The following CAMK1D variants were observed in gnomAD, a reference collection of about 807,000 sequenced individuals.
The protein encoded by CAMK1D is calcium/calmodulin-dependent protein kinase type 1D.
A neutral mutation model predicts 47.7 loss-of-function variants in CAMK1D; 9 were observed. The observed-to-expected ratio is 0.19, with a 90% CI of 0.11 to 0.33. CAMK1D has a LOEUF of 0.33. CAMK1D is among the 10% of genes least tolerant of loss of function. CAMK1D has a pLI of 1.00. For missense variants in CAMK1D, 291 were observed against 488.7 expected (o/e 0.60, Z 3.81); for synonymous variants, 184 against 184.9 (o/e 0.99, Z 0.04).
At chr10:12,517,282 T>A (rs1224433768) in intron 1 of CAMK1D, among the ~76,000 whole-genome samples, 1 of 152,222 alleles carries the variant, frequency 6.6e-6, no homozygotes, top group Non-Finnish European at 1.5e-5. Flanking sequence ...GGGTCAGTTC[T>A]TTGAGATTTT....
At chr10:12,554,129 C>T (rs4750234) in intron 2 of CAMK1D, among the ~76,000 whole-genome samples, 59,316 of 149,004 alleles carry the variant, frequency 0.4, 12,353 homozygotes, top group South Asian at 0.43. Flanking sequence ...TTTCCCTCCC[C>T]ACTCCCCTCC....
chr10:12,522,507 G>A (rs1240057023), intron 1 of CAMK1D, among the ~76,000 whole-genome samples: 1 of 151,614 alleles, frequency 6.6e-6, no homozygotes, highest in Non-Finnish European at 1.5e-5. Context: ...AGAGCACAGG[G>A]TTGGGGGCAA....
At chr10:12,372,327 G>A (rs12781660) in intron 1 of CAMK1D, among the ~76,000 whole-genome samples, 1 of 152,122 alleles carries the variant, frequency 6.6e-6, no homozygotes, top group Non-Finnish European at 1.5e-5. Flanking sequence ...CACCATTTTA[G>A]AGATGAGGAA....
intron 1 of CAMK1D, among the ~76,000 whole-genome samples, chr10:12,375,990 C>T (rs922094037): frequency 2.6e-5 from 4 of 151,618 alleles, no homozygotes; most frequent in Non-Finnish European, 5.9e-5. Flanking sequence ...TAGCGAAACC[C>T]TGTCTCTACG....
chr10:12,708,292 A>G (rs185071797), intron 3 of CAMK1D, among the ~76,000 whole-genome samples: 64 of 151,330 alleles, frequency 4.2e-4, no homozygotes, highest in African/African-American at 1.3e-3. Flanking sequence ...GTGGCGACTG[A>G]TACGTTTACA....
In CAMK1D at chr10:12,834,841, C is replaced by T. The variant is rs1246811449; in HGVS notation, c.*5954C>T. ...AGATTCCCAGGCTCTCCTGGAAGCC[C>T]TGCACTTCAGGGCACAGGGGCCCTG... is the stretch of plus-strand genomic sequence containing the variant. On this transcript the variant is annotated 3_prime_UTR_variant, in exon 11 of 11. Coordinates refer to ENST00000619168, the MANE Select transcript of CAMK1D (RefSeq NM_153498.4). The T allele has an allele frequency of 3.9e-5, 6 of 152,232 alleles. No homozygotes were observed. The highest frequency in any genetic ancestry group is 1.4e-4 in the African/African-American group (6 of 41,524). 9.4% of individuals were successfully genotyped at this position (152,232 alleles called of 1,614,324 possible).
intron 3 of CAMK1D, among the ~76,000 whole-genome samples, chr10:12,732,670 G>A (rs866153133): frequency 7.0e-5 from 5 of 71,780 alleles, no homozygotes; most frequent in African/African-American, 1.3e-4. Context: ...AATTACCCCC[G>A]CCCCCCCCGC....
chr10:12,685,288 G>A (rs535756439), intron 3 of CAMK1D, among the ~76,000 whole-genome samples: 5 of 152,176 alleles, frequency 3.3e-5, no homozygotes, highest in Non-Finnish European at 4.4e-5. Flanking sequence ...GCGACAGAAC[G>A]AGACTCTGTC....
intron 2 of CAMK1D, among the ~76,000 whole-genome samples, chr10:12,587,593 C>T (rs957926905): frequency 1.9e-4 from 28 of 150,566 alleles, no homozygotes; most frequent in African/African-American, 6.1e-4. Context: ...ATATGCAGCC[C>T]GAGTTGAGAT....
intron 1 of CAMK1D, among the ~76,000 whole-genome samples, chr10:12,448,864 G>T (rs1384496446): frequency 3.9e-5 from 6 of 152,140 alleles, no homozygotes; most frequent in South Asian, 2.1e-4. Flanking sequence ...CATCCAAAAC[G>T]CTGACTGTCG....
rs191682721 is a variant in CAMK1D, at chr10:12,437,514, C to T, written c.92+87604C>T. 1.1e-3 allele frequency among the ~76,000 whole-genome samples: 160 copies of T among 152,246 alleles called. 2 individuals are homozygous for T. Among genetic ancestry groups the T allele is most frequent in the Non-Finnish European group, 1.0e-4 (7 of 68,012 alleles). ...CCAGCCCAGACTTTAGTTTTTAAAG[C>T]ATTTTTAGGTTCATAGCAAAACCAA... On this transcript the variant is annotated intron_variant, in intron 1 of 10. Transcript: ENST00000619168.
At chr10:12,392,650 G>A (rs1838776709) in intron 1 of CAMK1D, among the ~76,000 whole-genome samples, 1 of 152,102 alleles carries the variant, frequency 6.6e-6, no homozygotes. Flanking sequence ...TACTTGTTTT[G>A]TAGTGAGAAT....
chr10:12,474,191 G>T (rs1480822785), intron 1 of CAMK1D, among the ~76,000 whole-genome samples: 1 of 144,012 alleles, frequency 6.9e-6, no homozygotes, highest in Non-Finnish European at 1.5e-5. Context: ...TCTTCAATGA[G>T]GATCGTTCTT....
At chr10:12,582,680 G>C (rs1837697019) in intron 2 of CAMK1D, among the ~76,000 whole-genome samples, 1 of 152,212 alleles carries the variant, frequency 6.6e-6, no homozygotes, top group South Asian at 2.1e-4. Context: ...CTTGGTCACT[G>C]TTGGTGTATA....
chr10:12,737,404 A>G (rs1033732847), intron 3 of CAMK1D, among the ~76,000 whole-genome samples: 1 of 152,132 alleles, frequency 6.6e-6, no homozygotes, highest in Non-Finnish European at 1.5e-5. Context: ...TCATCATTAG[A>G]ATGAACTTCC....
intron 3 of CAMK1D, among the ~76,000 whole-genome samples, chr10:12,687,971 C>G (rs1344058849): frequency 1.3e-5 from 2 of 152,164 alleles, no homozygotes; most frequent in African/African-American, 4.8e-5. Flanking sequence ...ATAAATACAA[C>G]TGATTAATGA....
rs11258021 is a variant in CAMK1D, at chr10:12,833,860, C to T, written c.*4973C>T. ...CTTCCCTATTCTGTCTACCCACACT[C>T]TGCGAACTTTGCCTTTTCCTTAAAC... is the stretch of plus-strand genomic sequence containing the variant. On this transcript the variant is annotated 3_prime_UTR_variant, in exon 11 of 11. Coordinates refer to ENST00000619168, the MANE Select transcript of CAMK1D (RefSeq NM_153498.4). 1 of 149,520 alleles carries T rather than the reference C, an allele frequency of 6.7e-6. No individual in the cohort carries two copies. Among genetic ancestry groups the T allele is most frequent in the African/African-American group, 2.5e-5 (1 of 40,358 alleles). The allele number at this position is 149,520 out of a possible 1,614,324, so 9.3% of individuals were successfully genotyped here.
chr10:12,765,958 CTTTTTTTTTTTT>C (rs147498267), intron 4 of CAMK1D, among the ~76,000 whole-genome samples: 2 of 86,506 alleles, frequency 2.3e-5, no homozygotes, highest in East Asian at 3.5e-4. Flanking sequence ...CCATCCTAAT[CTTTTTTTTTTTT>C]TTTTTTTTTT....
At position 12,393,041 on chromosome 10, in the gene CAMK1D, T is replaced by C. The variant is rs182515713; in HGVS notation, c.92+43131T>C. Among the ~76,000 whole-genome samples the C allele has an allele frequency of 4.4e-3, 662 of 152,054 alleles. 4 individuals are homozygous for C. The highest frequency in any genetic ancestry group is 0.015 in the African/African-American group (629 of 41,470). On this transcript the variant is annotated intron_variant, in intron 1 of 10. Coordinates refer to ENST00000619168, the MANE Select transcript of CAMK1D (RefSeq NM_153498.4). ...CTGAAACATAACTTTTTTTTTTTTT[T>C]TCTTTTTTGAGACACAGTTTTGCTC...
Sources: gnomAD v4.1 joint callset for allele counts (sites outside exome capture counted in the v4.1 genomes callset) on GRCh38, gnomAD v4.1.1 for gene constraint, MANE v1.5 for transcripts, NCBI Gene and HGNC (gene_info 2026-07-23, HGNC 2026-07-21) for gene names.